The following ASTN2 variants were observed in gnomAD, a reference collection of about 807,000 sequenced individuals.
The protein encoded by ASTN2 is astrotactin-2.
In ASTN2, 54 loss-of-function variants were observed where a neutral mutation model predicts 139.8. That is an observed-to-expected ratio of 0.39 (90% CI 0.31 to 0.48). ASTN2 has a LOEUF of 0.48. ASTN2 is among the 20% of genes least tolerant of loss of function. The pLI, the probability that ASTN2 is intolerant of heterozygous loss-of-function variation, is 0.95. For missense variants in ASTN2, 1,565 were observed against 1,725.1 expected (o/e 0.91, Z 1.64); for synonymous variants, 756 against 719.5 (o/e 1.05, Z -0.81).
At chr9:116,933,025 A>G (rs1228356484) in intron 10 of ASTN2, among the ~76,000 whole-genome samples, 1 of 151,398 alleles carries the variant, frequency 6.6e-6, no homozygotes, top group Non-Finnish European at 1.5e-5. Flanking sequence ...AAAAAAAAAA[A>G]AAAAGAGCTA....
chr9:116,843,798 A>G (rs1368209482), intron 11 of ASTN2, among the ~76,000 whole-genome samples: 1 of 152,114 alleles, frequency 6.6e-6, no homozygotes, highest in Non-Finnish European at 1.5e-5. Context: ...GGATTAAAAA[A>G]CTACTTATTG....
chr9:117,016,640 A>G (rs1252263320), intron 6 of ASTN2, among the ~76,000 whole-genome samples: 5 of 21,722 alleles, frequency 2.3e-4, no homozygotes, highest in South Asian at 1.3e-3. Flanking sequence ...ATATATATAT[A>G]TATATATATA....
intron 1 of ASTN2, among the ~76,000 whole-genome samples, chr9:117,332,969 G>A (rs899599443): frequency 6.6e-6 from 1 of 152,180 alleles, no homozygotes; most frequent in African/African-American, 2.4e-5. Context: ...GTTGCTTAGG[G>A]GAGTGGGTAG....
chr9:117,068,748 T>C (rs1828023559), intron 5 of ASTN2, among the ~76,000 whole-genome samples: 1 of 123,494 alleles, frequency 8.1e-6, no homozygotes, highest in African/African-American at 2.8e-5. Flanking sequence ...AGAGTGTATG[T>C]GTCGAGGAAT....
intron 10 of ASTN2, among the ~76,000 whole-genome samples, chr9:116,884,422 G>T (rs933875608): frequency 1.3e-5 from 2 of 152,126 alleles, no homozygotes; most frequent in Admixed American, 1.3e-4. Context: ...AGTAGAGTTG[G>T]CTGTAATCTG....
intron 16 of ASTN2, among the ~76,000 whole-genome samples, chr9:116,716,519 G>T (rs1044404060): frequency 2.0e-5 from 3 of 152,102 alleles, no homozygotes; most frequent in Non-Finnish European, 4.4e-5. Context: ...AATGGGAATG[G>T]CTAACCAAGA....
intron 1 of ASTN2, among the ~76,000 whole-genome samples, chr9:117,406,962 C>T (rs1831012941): frequency 6.6e-6 from 1 of 151,588 alleles, no homozygotes; most frequent in South Asian, 2.1e-4. Context: ...CTGATGTATC[C>T]TAGGCACATA....
intron 19 of ASTN2, among the ~76,000 whole-genome samples, chr9:116,491,860 C>G (rs891271556): frequency 6.6e-6 from 1 of 152,170 alleles, no homozygotes; most frequent in African/African-American, 2.4e-5. Flanking sequence ...TGGTTAGGAG[C>G]CTGGGCTTTT....
chr9:116,511,115 TTCAG>T (rs1850356269), intron 19 of ASTN2, among the ~76,000 whole-genome samples: 2 of 152,314 alleles, frequency 1.3e-5, no homozygotes, highest in Non-Finnish European at 2.9e-5. Flanking sequence ...TTTTTGCCCA[TTCAG>T]TATGATATTG....
chr9:116,621,782 T>C (rs1338104206), intron 17 of ASTN2, among the ~76,000 whole-genome samples: 2 of 152,340 alleles, frequency 1.3e-5, no homozygotes, highest in Non-Finnish European at 1.5e-5. Context: ...TCATTAATAG[T>C]TGGCAGTAAA....
chr9:116,680,928 A>G (rs566605311), intron 16 of ASTN2, among the ~76,000 whole-genome samples: 24 of 151,984 alleles, frequency 1.6e-4, no homozygotes, highest in Admixed American at 1.1e-3. Flanking sequence ...TACTGAATAG[A>G]CAAAAACTGG....
chr9:116,759,833 C>G (rs1009616068), intron 13 of ASTN2, among the ~76,000 whole-genome samples: 1 of 152,138 alleles, frequency 6.6e-6, no homozygotes, highest in African/African-American at 2.4e-5. Context: ...CTCTTGCTAA[C>G]TGCTATTTTA....
rs10527124 is a variant in ASTN2, at chr9:116,623,147, C to CTG, written c.3073-2706_3073-2705dup. Among the ~76,000 whole-genome samples, 989 of 137,156 alleles carry CTG rather than the reference C, an allele frequency of 7.2e-3. 3 individuals are homozygous for CTG. The highest frequency in any genetic ancestry group is 0.011 in the South Asian group (43 of 3,836). The allele number at this position is 137,156 out of a possible 152,430, so 90.0% of individuals were successfully genotyped here. On this transcript the variant is annotated intron_variant, in intron 17 of 22. Transcript: ENST00000313400. ...GCAATGGGAAGAGAGAGAGCATACT[C>CTG]TGTGTGTGTGTGTGTGTGTGTGTGT...
intron 2 of ASTN2, among the ~76,000 whole-genome samples, chr9:117,249,021 C>T (rs1299795139): frequency 1.3e-5 from 2 of 152,208 alleles, no homozygotes; most frequent in Non-Finnish European, 2.9e-5. Flanking sequence ...CTACCTTTGG[C>T]ATGTGACAAG....
chr9:116,733,511 G>T lies in ASTN2; in HGVS notation c.2409C>A (p.Phe803Leu), dbSNP rs763219726. Residue 803 changes from phenylalanine to leucine, a missense_variant, in exon 14 of 23, where the codon TTC becomes TTA. This residue lies in a region of ASTN2 where 503 missense variants were observed against 591.7 expected (regional missense o/e 0.85). Coordinates refer to ENST00000313400, the MANE Select transcript of ASTN2 (RefSeq NM_001365068.1). Reference sequence around the variant, plus strand: ...CGGCCAGCTGGGGAAAGTCCTTGATGAAGTTGTTCTCCCTGTGGAGAGGAG... The same window carrying T: ...CGGCCAGCTGGGGAAAGTCCTTGATTAAGTTGTTCTCCCTGTGGAGAGGAG... ...VFQMTFRENN[F>L]IKDFPQLADG... 2 of 1,614,204 alleles carry T rather than the reference G, an allele frequency of 1.2e-6. No individual in the cohort carries two copies. The highest frequency in any genetic ancestry group is 4.5e-5 in the East Asian group (2 of 44,878).
At chr9:117,309,205 T>A (rs977958297) in intron 1 of ASTN2, among the ~76,000 whole-genome samples, 1 of 152,220 alleles carries the variant, frequency 6.6e-6, no homozygotes, top group African/African-American at 2.4e-5. Context: ...GCATTCAGAC[T>A]CCCTCAGCTG....
At chr9:116,933,173 G>A (rs1834957598) in intron 10 of ASTN2, among the ~76,000 whole-genome samples, 1 of 152,076 alleles carries the variant, frequency 6.6e-6, no homozygotes, top group Admixed American at 6.6e-5. Flanking sequence ...CTAATAAAGT[G>A]TTGGCAGGAG....
chr9:117,043,185 T>A (rs542965740), intron 5 of ASTN2, among the ~76,000 whole-genome samples: 1 of 152,172 alleles, frequency 6.6e-6, no homozygotes, highest in Non-Finnish European at 1.5e-5. Flanking sequence ...TTGAGTTTTT[T>A]ATCTAGATTT....
intron 11 of ASTN2, among the ~76,000 whole-genome samples, chr9:116,844,881 G>A (rs1338434495): frequency 6.6e-6 from 1 of 152,196 alleles, no homozygotes; most frequent in Non-Finnish European, 1.5e-5. Context: ...AAATTCAAAT[G>A]CTTTCAGGAC....
Sources: allele counts gnomAD v4.1 joint callset (sites outside exome capture counted in the v4.1 genomes callset), GRCh38; gene constraint gnomAD v4.1.1; regional missense constraint gnomAD v4.1.1; transcripts MANE v1.5; gene names NCBI Gene and HGNC (gene_info 2026-07-23, HGNC 2026-07-21).